Variants in SNTG1 observed in about 807,000 individuals in gnomAD.
The protein encoded by SNTG1 is syntrophin gamma 1, also known as gamma-1-syntrophin.
In SNTG1, 39 loss-of-function variants were observed where a neutral mutation model predicts 74.7. The observed-to-expected ratio is 0.52, with a 90% CI of 0.40 to 0.68. The LOEUF (loss-of-function observed/expected upper bound fraction) is 0.68, where lower values mean the gene tolerates loss of function less well. Ranked by LOEUF, SNTG1 falls within the 30% of genes least tolerant of loss-of-function variation. The pLI is 0.00. For synonymous variants in SNTG1, 254 were observed against 217.1 expected (o/e 1.17, Z -1.49); for missense variants, 685 against 609.5 (o/e 1.12, Z -1.30).
At chr8:50,398,469 A>G (rs1283149916) in intron 3 of SNTG1, among the ~76,000 whole-genome samples, 2 of 152,078 alleles carry the variant, frequency 1.3e-5, no homozygotes, top group Admixed American at 6.6e-5. Flanking sequence ...TTAAAATGAC[A>G]TTTGTTCCTC....
rs149657898 is a variant in SNTG1, at chr8:50,715,576, C to T, written c.1284+6598C>T. On this transcript the variant is annotated intron_variant, in intron 17 of 18. Transcript: ENST00000642720. Reference sequence around the variant, plus strand: ...ACAGTCGTAAGAATGAGCTCTATCACAGGTTATAAGCTACTGTATACTATT... The same window carrying T: ...ACAGTCGTAAGAATGAGCTCTATCATAGGTTATAAGCTACTGTATACTATT... Among the ~76,000 whole-genome samples the T allele has an allele frequency of 2.3e-3, 349 of 152,284 alleles. 2 individuals are homozygous for T. Among genetic ancestry groups the T allele is most frequent in the African/African-American group, 8.0e-3 (331 of 41,554 alleles).
intron 2 of SNTG1, among the ~76,000 whole-genome samples, chr8:50,368,692 T>C (rs1283951549): frequency 1.3e-5 from 2 of 152,116 alleles, no homozygotes; most frequent in African/African-American, 2.4e-5. Context: ...TCTGGTCCTA[T>C]AGAATCCATA....
intron 12 of SNTG1, among the ~76,000 whole-genome samples, chr8:50,576,351 C>G (rs1412431046): frequency 1.2e-4 from 18 of 152,064 alleles, no homozygotes; most frequent in Admixed American, 1.2e-3. Context: ...GTTTTTAGAC[C>G]TATAGCACAT....
intron 1 of SNTG1, among the ~76,000 whole-genome samples, chr8:50,127,374 A>T (rs147203558): frequency 6.6e-6 from 1 of 152,286 alleles, no homozygotes; most frequent in African/African-American, 2.4e-5. Flanking sequence ...TAGCAATAGT[A>T]AAAACAGTGC....
chr8:50,146,748 A>C (rs1402579573), intron 1 of SNTG1, among the ~76,000 whole-genome samples: 1 of 152,170 alleles, frequency 6.6e-6, no homozygotes, highest in Non-Finnish European at 1.5e-5. Flanking sequence ...TATTCTAAAA[A>C]TTATGTAGTG....
At chr8:50,384,341 T>G (rs559435195) in intron 2 of SNTG1, among the ~76,000 whole-genome samples, 1 of 152,292 alleles carries the variant, frequency 6.6e-6, no homozygotes, top group Admixed American at 6.5e-5. Context: ...TCAGAAGAAA[T>G]GGTGTATGGA....
chr8:50,748,358 A>G (rs13269724), intron 17 of SNTG1, among the ~76,000 whole-genome samples: 65,967 of 151,828 alleles, frequency 0.43, 16,586 homozygotes, highest in African/African-American at 0.7. Flanking sequence ...TGCTAGGTGA[A>G]GGGGTACTAC....
At chr8:50,352,144 T>A (rs2091680303) in intron 2 of SNTG1, among the ~76,000 whole-genome samples, 1 of 152,206 alleles carries the variant, frequency 6.6e-6, no homozygotes. Context: ...AGATCTCATT[T>A]TAGGTATTGT....
chr8:50,513,083 G>A (rs759732467), intron 9 of SNTG1, among the ~76,000 whole-genome samples: 2 of 152,132 alleles, frequency 1.3e-5, no homozygotes, highest in Non-Finnish European at 2.9e-5. Flanking sequence ...GTGATGTACA[G>A]ATGGGGTTTT....
intron 12 of SNTG1, among the ~76,000 whole-genome samples, chr8:50,566,672 C>A (rs1016641698): frequency 6.6e-6 from 1 of 151,864 alleles, no homozygotes; most frequent in South Asian, 2.1e-4. Flanking sequence ...AACCTCAAAA[C>A]TCTCCATTGT....
chr8:50,419,731 C>A (rs2093057724), intron 4 of SNTG1, among the ~76,000 whole-genome samples: 1 of 151,938 alleles, frequency 6.6e-6, no homozygotes, highest in Admixed American at 6.6e-5. Flanking sequence ...TGAAATGATA[C>A]AGATATTAGA....
At chr8:50,082,383 T>C (rs1453487270) in intron 1 of SNTG1, among the ~76,000 whole-genome samples, 1 of 152,246 alleles carries the variant, frequency 6.6e-6, no homozygotes, top group African/African-American at 2.4e-5. Flanking sequence ...TTCTAGATTC[T>C]GACTTTTCCA....
intron 8 of SNTG1, among the ~76,000 whole-genome samples, chr8:50,489,002 T>C (rs1162194894): frequency 1.3e-5 from 2 of 151,912 alleles, no homozygotes; most frequent in Admixed American, 1.3e-4. Context: ...TGTTCAACTC[T>C]CATTTATGAG....
At chr8:50,655,304 T>C (rs1388841388) in intron 13 of SNTG1, among the ~76,000 whole-genome samples, 1 of 152,182 alleles carries the variant, frequency 6.6e-6, no homozygotes, top group Non-Finnish European at 1.5e-5. Context: ...GGGATGGTTA[T>C]CTATTAAGCT....
intron 18 of SNTG1, among the ~76,000 whole-genome samples, chr8:50,783,780 T>A (rs904283118): frequency 6.6e-6 from 1 of 152,218 alleles, no homozygotes; most frequent in Non-Finnish European, 1.5e-5. Context: ...AAATCACTGG[T>A]CTTCTGCGTC....
intron 17 of SNTG1, among the ~76,000 whole-genome samples, chr8:50,745,922 GA>G (rs983144762): frequency 6.6e-6 from 1 of 151,662 alleles, no homozygotes; most frequent in Non-Finnish European, 1.5e-5. Context: ...TGTTTAGGAT[GA>G]AAAAAATATT....
At chr8:50,167,016 G>T (rs1020779894) in intron 1 of SNTG1, among the ~76,000 whole-genome samples, 14 of 141,490 alleles carry the variant, frequency 9.9e-5, no homozygotes, top group Non-Finnish European at 2.1e-4. Flanking sequence ...GTAAACTATC[G>T]CAAGAACAAA....
chr8:50,660,507 G>A (rs994002695), intron 15 of SNTG1, among the ~76,000 whole-genome samples: 1 of 138,296 alleles, frequency 7.2e-6, no homozygotes, highest in Non-Finnish European at 1.5e-5. Flanking sequence ...GGAAGGAGAA[G>A]GAAGGGAGGG....
chr8:50,280,868 T>G (rs901425691), intron 2 of SNTG1, among the ~76,000 whole-genome samples: 19 of 151,520 alleles, frequency 1.3e-4, no homozygotes, highest in African/African-American at 4.6e-4. Context: ...AGAAAAGGAC[T>G]TAAGGCCCAG....
Sources: gnomAD v4.1 joint callset for allele counts (sites outside exome capture counted in the v4.1 genomes callset) on GRCh38, gnomAD v4.1.1 for gene constraint, MANE v1.5 for transcripts, NCBI Gene and HGNC (gene_info 2026-07-23, HGNC 2026-07-21) for gene names.